The following NTM variants were observed in gnomAD, a reference collection of about 807,000 sequenced individuals.
The protein encoded by NTM is neurotrimin.
Under a neutral mutation model 42.1 loss-of-function variants are expected in NTM, and 13 were observed. That is an observed-to-expected ratio of 0.31 (90% CI 0.20 to 0.49). The LOEUF is 0.49. Ranked by LOEUF, NTM falls within the 20% of genes least tolerant of loss-of-function variation. NTM has a pLI of 0.99. For synonymous variants in NTM, 187 were observed against 179.2 expected (o/e 1.04, Z -0.35); for missense variants, 373 against 452.8 (o/e 0.82, Z 1.60).
chr11:131,996,186 G>T (rs1291738445), intron 2 of NTM, among the ~76,000 whole-genome samples: 1 of 152,126 alleles, frequency 6.6e-6, no homozygotes, highest in Non-Finnish European at 1.5e-5. Context: ...GTAGGGACAT[G>T]ATCAATCTGT....
At chr11:132,318,528 G>T (rs3099769) in intron 7 of NTM, among the ~76,000 whole-genome samples, 2 of 151,890 alleles carry the variant, frequency 1.3e-5, no homozygotes, top group Non-Finnish European at 2.9e-5. Context: ...AATATCTCCC[G>T]CGTCTCTTGC....
chr11:132,222,070 G>C (rs970574053), intron 4 of NTM, among the ~76,000 whole-genome samples: 2 of 152,106 alleles, frequency 1.3e-5, no homozygotes, highest in African/African-American at 4.8e-5. Flanking sequence ...TCATCGCGCT[G>C]GACTCCAGGC....
intron 1 of NTM, among the ~76,000 whole-genome samples, chr11:131,760,291 C>A (rs73595111): frequency 0.055 from 8,371 of 152,158 alleles, 816 homozygotes; most frequent in African/African-American, 0.19. Flanking sequence ...CGGATGGAAG[C>A]AGCAGCGTTT....
intron 6 of NTM, among the ~76,000 whole-genome samples, chr11:132,313,215 T>TAACTCC (rs1450091922): frequency 6.6e-6 from 1 of 152,094 alleles, no homozygotes; most frequent in Non-Finnish European, 1.5e-5. Flanking sequence ...CATCTATGTC[T>TAACTCC]AACTCCATAG....
At chr11:131,784,870 T>C (rs2136042383) in intron 1 of NTM, among the ~76,000 whole-genome samples, 1 of 152,332 alleles carries the variant, frequency 6.6e-6, no homozygotes, top group African/African-American at 2.4e-5. Context: ...TGTATTAATA[T>C]TTTCATCAGT....
intron 3 of NTM, among the ~76,000 whole-genome samples, chr11:132,202,149 C>G (rs1332665228): frequency 2.0e-5 from 3 of 152,110 alleles, no homozygotes; most frequent in African/African-American, 7.2e-5. Context: ...TTCAGGGACA[C>G]CTTATTAGAG....
intron 1 of NTM, among the ~76,000 whole-genome samples, chr11:131,399,059 T>G (rs1303026128): frequency 6.6e-6 from 1 of 152,154 alleles, no homozygotes; most frequent in East Asian, 1.9e-4. Context: ...ACAGTGCACT[T>G]GGAGAGAAAT....
chr11:131,872,944 C>A (rs1007836502), intron 1 of NTM, among the ~76,000 whole-genome samples: 1 of 152,156 alleles, frequency 6.6e-6, no homozygotes, highest in Non-Finnish European at 1.5e-5. Context: ...TGGTTGAACT[C>A]ATTTACACTC....
intron 4 of NTM, among the ~76,000 whole-genome samples, chr11:132,216,535 G>T (rs1350955338): frequency 6.6e-6 from 1 of 152,174 alleles, no homozygotes; most frequent in East Asian, 1.9e-4. Context: ...ATAACACGTT[G>T]TACTGAGATA....
chr11:131,874,056 T>TAATATA (rs1214118735), intron 1 of NTM, among the ~76,000 whole-genome samples: 3 of 49,300 alleles, frequency 6.1e-5, no homozygotes, highest in South Asian at 4.3e-4. Flanking sequence ...TATATATATA[T>TAATATA]ATATATATAT....
chr11:131,888,443 T>C (rs1332652861), intron 1 of NTM, among the ~76,000 whole-genome samples: 3 of 152,184 alleles, frequency 2.0e-5, no homozygotes, highest in Admixed American at 6.5e-5. Flanking sequence ...CCGGATCTCC[T>C]GCCTTAGGAA....
At chr11:132,258,973 A>G (rs962190324) in intron 4 of NTM, among the ~76,000 whole-genome samples, 2 of 152,142 alleles carry the variant, frequency 1.3e-5, no homozygotes, top group Non-Finnish European at 2.9e-5. Flanking sequence ...TAATTCCATA[A>G]GTTTCCTATT....
chr11:131,697,565 A>T (rs559985873), intron 1 of NTM, among the ~76,000 whole-genome samples: 111 of 152,162 alleles, frequency 7.3e-4, no homozygotes, highest in African/African-American at 2.2e-3. Context: ...TTTCTGGGTG[A>T]CTTTCCGGGA....
chr11:132,153,880 G>T (rs1376959237), intron 3 of NTM, among the ~76,000 whole-genome samples: 1 of 152,172 alleles, frequency 6.6e-6, no homozygotes, highest in Non-Finnish European at 1.5e-5. Context: ...GGGTATAAAT[G>T]CTATGAATAC....
chr11:131,787,082 A>G (rs2089357268), intron 1 of NTM, among the ~76,000 whole-genome samples: 1 of 152,292 alleles, frequency 6.6e-6, no homozygotes, highest in African/African-American at 2.4e-5. Flanking sequence ...TACAAAAACT[A>G]AACTCATTAA....
chr11:132,157,705 A>G (rs1445476732), intron 3 of NTM, among the ~76,000 whole-genome samples: 1 of 152,184 alleles, frequency 6.6e-6, no homozygotes, highest in Non-Finnish European at 1.5e-5. Flanking sequence ...TAGGCATCTC[A>G]AACTGAAAAT....
chr11:131,852,093 G>A (rs1047495028), intron 1 of NTM, among the ~76,000 whole-genome samples: 2 of 152,112 alleles, frequency 1.3e-5, no homozygotes, highest in Non-Finnish European at 2.9e-5. Flanking sequence ...CTGACAGAGC[G>A]GGAGTGTGGG....
chr11:132,070,292 C>A (rs1449432476), intron 2 of NTM, among the ~76,000 whole-genome samples: 1 of 143,768 alleles, frequency 7.0e-6, no homozygotes, highest in African/African-American at 2.6e-5. Context: ...TGTCACACAG[C>A]CAAGTTAACA....
chr11:131,918,672 T>C (rs535860259), intron 2 of NTM, among the ~76,000 whole-genome samples: 1 of 152,244 alleles, frequency 6.6e-6, no homozygotes, highest in East Asian at 1.9e-4. Context: ...GTATTCTTCA[T>C]TGCCAAGTTC....
Sources: allele counts gnomAD v4.1 joint callset (sites outside exome capture counted in the v4.1 genomes callset), GRCh38; gene constraint gnomAD v4.1.1; transcripts MANE v1.5; gene names NCBI Gene and HGNC (gene_info 2026-07-23, HGNC 2026-07-21).